Variants in FUT8 observed in about 807,000 individuals in gnomAD.
FUT8 encodes the protein fucosyltransferase 8.
In FUT8, 29 loss-of-function variants were observed where a neutral mutation model predicts 71.3. The observed-to-expected ratio is 0.41, with a 90% CI of 0.30 to 0.55. FUT8 has a LOEUF of 0.55. FUT8 is among the 20% of genes least tolerant of loss of function. The pLI, the probability that FUT8 is intolerant of heterozygous loss-of-function variation, is 0.34. For synonymous variants in FUT8, 254 were observed against 239.3 expected (o/e 1.06, Z -0.57); for missense variants, 544 against 702.1 (o/e 0.77, Z 2.55).
At chr14:65,657,485 C>T (rs1041800002) in intron 6 of FUT8, among the ~76,000 whole-genome samples, 1 of 151,970 alleles carries the variant, frequency 6.6e-6, no homozygotes, top group Admixed American at 6.6e-5. Context: ...GGAGTACTAT[C>T]CAGCCATAAA....
At chr14:65,592,720 A>G (rs915125414) in intron 3 of FUT8, among the ~76,000 whole-genome samples, 10 of 152,116 alleles carry the variant, frequency 6.6e-5, no homozygotes, top group African/African-American at 1.9e-4. Flanking sequence ...AATAATCCCT[A>G]TTGATCTGCA....
rs1173596579 is a variant in FUT8, at chr14:65,607,895, T to C, written c.204-8083T>C. Among the ~76,000 whole-genome samples, 1 of 151,614 alleles carries C rather than the reference T, an allele frequency of 6.6e-6. No individual in the cohort carries two copies. Among genetic ancestry groups the C allele is most frequent in the African/African-American group, 2.4e-5 (1 of 41,366 alleles). ...CTGGCCAACATGGTGAAACCCCGTC[T>C]CTACGAAAAATACAAAAAAATTAGC... On this transcript the variant is annotated intron_variant, in intron 3 of 10. Transcript: ENST00000673929. This position sits in a 1 kb window ranked among gnomAD's most constrained non-coding sequence, Gnocchi z 4.1.
intron 7 of FUT8, among the ~76,000 whole-genome samples, chr14:65,686,682 C>A (rs1246455306): frequency 6.6e-6 from 1 of 152,102 alleles, no homozygotes; most frequent in Non-Finnish European, 1.5e-5. Context: ...TGATTTAAGT[C>A]TTAAAAGTTC....
At chr14:65,608,334 C>T (rs960742382) in intron 3 of FUT8, among the ~76,000 whole-genome samples, 1 of 151,254 alleles carries the variant, frequency 6.6e-6, no homozygotes, top group Admixed American at 6.6e-5. Flanking sequence ...TTATTCTTTC[C>T]AATGTTCATG....
At chr14:65,612,581 G>A (rs561297799) in intron 3 of FUT8, among the ~76,000 whole-genome samples, 2 of 152,276 alleles carry the variant, frequency 1.3e-5, no homozygotes, top group East Asian at 3.9e-4. Flanking sequence ...GTCCTCTACA[G>A]TTCTCTCTTA....
intron 6 of FUT8, among the ~76,000 whole-genome samples, chr14:65,653,806 G>A (rs1275626813): frequency 6.6e-6 from 1 of 152,152 alleles, no homozygotes; most frequent in Non-Finnish European, 1.5e-5. Flanking sequence ...CGAAAGTGCT[G>A]GGATTATAGG....
At chr14:65,514,628 A>G (rs972428467) in intron 2 of FUT8, among the ~76,000 whole-genome samples, 5 of 152,104 alleles carry the variant, frequency 3.3e-5, no homozygotes, top group Admixed American at 1.3e-4. Context: ...CAATGTATCA[A>G]TAGTTTCTGT....
At chr14:65,540,382 C>A (rs895949608) in intron 2 of FUT8, among the ~76,000 whole-genome samples, 2 of 152,304 alleles carry the variant, frequency 1.3e-5, no homozygotes, top group African/African-American at 2.4e-5. Flanking sequence ...TTCTAAAAGA[C>A]AGTGGCTCAG....
rs759174970 is a variant in FUT8 at position 65,605,243 on chromosome 14, C to T, written c.204-10735C>T. Among the ~76,000 whole-genome samples the T allele has an allele frequency of 3.3e-5, 5 of 151,872 alleles. 1 individual carries two copies. The highest frequency in any genetic ancestry group is 5.9e-5 in the Non-Finnish European group (4 of 67,916). ...GTGCATTTTCAACTTTGGAGCAATT[C>T]AGCAATATTTTCTAAACAAATTATT... is the stretch of plus-strand genomic sequence containing the variant. On this transcript the variant is annotated intron_variant, in intron 3 of 10. Transcript: ENST00000673929.
At position 65,731,982 on chromosome 14, in the gene FUT8, C is replaced by G. The variant is rs1444958838; in HGVS notation, c.1260-1249C>G. Among the ~76,000 whole-genome samples, 4 of 152,218 alleles carry G rather than the reference C, an allele frequency of 2.6e-5. No homozygotes were observed. In the South Asian group the frequency reaches 8.3e-4, roughly 32 times the overall value. The stretch of plus-strand genomic sequence containing the variant: ...TTTATCAGTTCCCCCCTTTCTTTCT[C>G]CCTCTAGCATTTCGTATTTCTTTGT... On this transcript the variant is annotated intron_variant, in intron 9 of 10. Transcript: ENST00000673929.
chr14:65,530,465 C>T (rs1017901685), intron 2 of FUT8, among the ~76,000 whole-genome samples: 1 of 152,094 alleles, frequency 6.6e-6, no homozygotes, highest in Non-Finnish European at 1.5e-5. Context: ...TAGAGGTCTC[C>T]TAATACTTTT....
chr14:65,637,166 C>T (rs1483718402), intron 6 of FUT8, among the ~76,000 whole-genome samples: 1 of 152,136 alleles, frequency 6.6e-6, no homozygotes, highest in Non-Finnish European at 1.5e-5. Context: ...CTGATGAAGT[C>T]CATTTTTAAA....
In FUT8 at chr14:65,676,242, A is replaced by G. The variant is rs2300869; in HGVS notation, c.835+6762A>G. Among the ~76,000 whole-genome samples the G allele has an allele frequency of 4.0e-3, 613 of 152,306 alleles. 4 individuals carry two copies. Among genetic ancestry groups the G allele is most frequent in the East Asian group, 0.035 (183 of 5,176 alleles). On this transcript the variant is annotated intron_variant, in intron 7 of 10. Transcript: ENST00000673929. ...AGGACGTGTGACTTAGGAAAAAGCA[A>G]TACGTATTTAGCATCCACCTCACTA... is the stretch of plus-strand genomic sequence containing the variant.
intron 9 of FUT8, 24 bp downstream of exon 9, chr14:65,724,347 C>T: frequency 6.7e-7 from 1 of 1,482,226 alleles, no homozygotes; most frequent in Non-Finnish European, 9.3e-7. Context: ...ACTAGTGATT[C>T]TAGAGTGGGG....
At chr14:65,415,194 CCAAAG>C (rs2065200852) in intron 1 of FUT8, among the ~76,000 whole-genome samples, 1 of 152,040 alleles carries the variant, frequency 6.6e-6, no homozygotes, top group South Asian at 2.1e-4. Context: ...GGAGCTAGTG[CCAAAG>C]CAAAGTATAG....
chr14:65,382,722 C>T, the FUT8 span, among the ~76,000 whole-genome samples: 3 of 152,152 alleles, frequency 2.0e-5, no homozygotes, highest in East Asian at 5.8e-4. Context: ...TTTTATAACA[C>T]TTCTCAGTGC....
At chr14:65,448,812 C>G (rs1363481999) in intron 1 of FUT8, among the ~76,000 whole-genome samples, 3 of 152,176 alleles carry the variant, frequency 2.0e-5, no homozygotes, top group Non-Finnish European at 4.4e-5. Flanking sequence ...TTCAGACTAA[C>G]TGAAAGGATA....
At chr14:65,713,526 A>G (rs914556147) in intron 7 of FUT8, among the ~76,000 whole-genome samples, 2 of 152,168 alleles carry the variant, frequency 1.3e-5, no homozygotes, top group African/African-American at 4.8e-5. Context: ...CCAACAGTGT[A>G]TGAGGGTTCC....
intron 2 of FUT8, among the ~76,000 whole-genome samples, chr14:65,480,597 C>T (rs1370659152): frequency 6.6e-6 from 1 of 150,806 alleles, no homozygotes; most frequent in African/African-American, 2.4e-5. Context: ...TTACAGGTGT[C>T]AGCCACGGTG....
Sources: gnomAD v4.1 joint callset for allele counts (sites outside exome capture counted in the v4.1 genomes callset) on GRCh38, gnomAD v4.1.1 for gene constraint, Gnocchi (gnomAD v3.1) non-coding constraint, MANE v1.5 for transcripts, NCBI Gene and HGNC (gene_info 2026-07-23, HGNC 2026-07-21) for gene names.